The following ZCCHC7 variants were observed in gnomAD, a reference collection of about 807,000 sequenced individuals.
ZCCHC7 encodes the protein zinc finger CCHC domain-containing protein 7.
A neutral mutation model predicts 52.0 loss-of-function variants in ZCCHC7; 35 were observed. The ratio of observed to expected loss-of-function variants is 0.67; its 90% confidence interval spans 0.51 to 0.89. ZCCHC7 has a LOEUF of 0.89. Among genes scored for constraint, ZCCHC7 ranks in the 40% least tolerant of loss-of-function variants. The pLI, the probability that ZCCHC7 is intolerant of heterozygous loss-of-function variation, is 0.00. For synonymous variants in ZCCHC7, 217 were observed against 221.5 expected, an observed-to-expected ratio of 0.98 and a Z score of 0.18; for missense variants, 574 against 649.1, an observed-to-expected ratio of 0.88 and a Z score of 1.26.
At chr9:37,236,583 A>G (rs1225466678) in intron 2 of ZCCHC7, among the ~76,000 whole-genome samples, 1 of 151,980 alleles carries the variant, frequency 6.6e-6, no homozygotes, top group African/African-American at 2.4e-5. Context: ...TTTAGCAGAG[A>G]CAGGGTTTCA....
At chr9:37,348,347 G>GTTCTTTCT (rs58182218) in intron 6 of ZCCHC7, among the ~76,000 whole-genome samples, 21,238 of 135,394 alleles carry the variant, frequency 0.16, 1,948 homozygotes, top group Middle Eastern at 0.2. Context: ...ATACCAGTTC[G>GTTCTTTCT]TTCTTTCTTT....
intron 5 of ZCCHC7, among the ~76,000 whole-genome samples, chr9:37,318,350 A>G (rs1829912651): frequency 6.6e-6 from 1 of 151,962 alleles, no homozygotes; most frequent in Non-Finnish European, 1.5e-5. Context: ...AATCCCAACT[A>G]CTTGGGAGGC....
chr9:37,357,053 T>G lies in ZCCHC7; in HGVS notation c.1417T>G (p.Phe473Val), dbSNP rs888161256. 1.2e-6 allele frequency: 2 copies of G among 1,613,600 alleles called. No individual in the cohort carries two copies. The highest frequency in any genetic ancestry group is 2.7e-5 in the African/African-American group (2 of 74,812). Residue 473 changes from phenylalanine to valine, a missense_variant, in exon 9 of 9, where the codon TTT becomes GTT. Coordinates refer to ENST00000336755, the MANE Select transcript of ZCCHC7 (RefSeq NM_032226.3). The stretch of plus-strand genomic sequence containing the variant: ...CAGACATCGTGAAGTGGATGAGGAT[T>G]TTCCCAGGGGCCCCAAAACCTACTC... ...ADRHREVDED[F>V]PRGPKTYSSP...
intron 2 of ZCCHC7, among the ~76,000 whole-genome samples, chr9:37,189,971 GC>G (rs1822932437): frequency 6.6e-6 from 1 of 152,140 alleles, no homozygotes; most frequent in Admixed American, 6.5e-5. Context: ...ACTTTCCTAT[GC>G]TTCTCCTTCT....
At chr9:37,174,438 T>C (rs1192566711) in intron 2 of ZCCHC7, among the ~76,000 whole-genome samples, 1 of 151,976 alleles carries the variant, frequency 6.6e-6, no homozygotes, top group African/African-American at 2.4e-5. Context: ...CCAGGAAAAA[T>C]GGAGTAATTG....
intron 2 of ZCCHC7, among the ~76,000 whole-genome samples, chr9:37,296,926 TG>T (rs1828815315): frequency 1.3e-5 from 2 of 150,094 alleles, no homozygotes; most frequent in African/African-American, 4.9e-5. Context: ...TGTGTGTGTG[TG>T]TTTCGTAGAG....
At chr9:37,242,781 T>A (rs1295394708) in intron 2 of ZCCHC7, among the ~76,000 whole-genome samples, 1 of 151,854 alleles carries the variant, frequency 6.6e-6, no homozygotes, top group Non-Finnish European at 1.5e-5. Context: ...ATTTACATAT[T>A]TTATCTATTA....
chr9:37,140,578 A>G (rs553521604), intron 2 of ZCCHC7, among the ~76,000 whole-genome samples: 1 of 151,994 alleles, frequency 6.6e-6, no homozygotes, highest in Non-Finnish European at 1.5e-5. Flanking sequence ...TCTTGATGCC[A>G]TGACATTTTA....
At chr9:37,128,984 A>ATC (rs1842655119) in intron 2 of ZCCHC7, among the ~76,000 whole-genome samples, 1 of 152,242 alleles carries the variant, frequency 6.6e-6, no homozygotes, top group Non-Finnish European at 1.5e-5. Flanking sequence ...ATTTATGGTC[A>ATC]TCAAATTGTC....
At chr9:37,296,881 T>TTTTG (rs1554725972) in intron 2 of ZCCHC7, among the ~76,000 whole-genome samples, 1 of 124,136 alleles carries the variant, frequency 8.1e-6, no homozygotes, top group Non-Finnish European at 1.7e-5. Context: ...CCTGGCTAGT[T>TTTTG]TGTGTGTGTG....
At chr9:37,306,819 G>A (rs1229258461) in intron 5 of ZCCHC7, among the ~76,000 whole-genome samples, 8 of 104,282 alleles carry the variant, frequency 7.7e-5, no homozygotes, top group Admixed American at 1.3e-4. Flanking sequence ...ACAGGGTCTC[G>A]CTCTGTCACG....
At chr9:37,334,726 A>G (rs1041180058) in intron 6 of ZCCHC7, among the ~76,000 whole-genome samples, 19 of 151,996 alleles carry the variant, frequency 1.3e-4, no homozygotes, top group African/African-American at 3.4e-4. Context: ...AGTTGGTGCA[A>G]TGATCCTCCA....
chr9:37,306,160 C>A (rs1273138484), intron 5 of ZCCHC7, among the ~76,000 whole-genome samples: 1 of 151,492 alleles, frequency 6.6e-6, no homozygotes, highest in Non-Finnish European at 1.5e-5. Context: ...TTCTGCCTCC[C>A]GGGTTCCAGC....
intron 2 of ZCCHC7, among the ~76,000 whole-genome samples, chr9:37,278,029 TGTG>T (rs1827766723): frequency 7.4e-6 from 1 of 134,780 alleles, no homozygotes; most frequent in South Asian, 2.5e-4. Flanking sequence ...TGTGTGTGTG[TGTG>T]TGTGTTTTGT....
At chr9:37,335,069 A>G (rs1830592389) in intron 6 of ZCCHC7, among the ~76,000 whole-genome samples, 1 of 152,136 alleles carries the variant, frequency 6.6e-6, no homozygotes, top group African/African-American at 2.4e-5. Context: ...TAATTTTGTA[A>G]TACATCCATT....
chr9:37,327,981 C>T (rs1185223357), intron 6 of ZCCHC7, 147 bp downstream of exon 6: 6 of 807,232 alleles, frequency 7.4e-6, no homozygotes, highest in Admixed American at 2.7e-5. Context: ...CAATAATACA[C>T]TTTTTCTCTT....
intron 2 of ZCCHC7, among the ~76,000 whole-genome samples, chr9:37,243,097 T>G (rs1395678485): frequency 6.6e-6 from 1 of 151,852 alleles, no homozygotes; most frequent in African/African-American, 2.4e-5. Flanking sequence ...ACATTTAAGT[T>G]TTTTGGCTAA....
intron 6 of ZCCHC7, among the ~76,000 whole-genome samples, chr9:37,348,343 G>GTTCATTCTTTCTTTCTTTCT (rs768829753): frequency 1.3e-4 from 13 of 100,016 alleles, no homozygotes; most frequent in African/African-American, 4.3e-4. Context: ...AGTGATACCA[G>GTTCATTCTTTCTTTCTTTCT]TTCGTTCTTT....
chr9:37,256,921 A>G (rs984973558), intron 2 of ZCCHC7, among the ~76,000 whole-genome samples: 4 of 152,194 alleles, frequency 2.6e-5, no homozygotes, highest in African/African-American at 9.7e-5. Context: ...TTCATACCAT[A>G]GGGGAAAAAT....
Sources: gnomAD v4.1 joint callset for allele counts (sites outside exome capture counted in the v4.1 genomes callset) on GRCh38, gnomAD v4.1.1 for gene constraint, MANE v1.5 for transcripts, NCBI Gene and HGNC (gene_info 2026-07-23, HGNC 2026-07-21) for gene names.